PRKN: variants seen among roughly 807,000 people sequenced by gnomAD.
PRKN encodes the protein E3 ubiquitin-protein ligase parkin.
A neutral mutation model predicts 59.5 loss-of-function variants in PRKN; 56 were observed. The observed-to-expected ratio is 0.94, with a 90% CI of 0.76 to 1.18. The LOEUF is 1.18. Among genes scored for constraint, PRKN ranks in the 50% most tolerant of loss-of-function variants. The pLI, the probability that PRKN is intolerant of heterozygous loss-of-function variation, is 0.00. For synonymous variants in PRKN, 250 were observed against 222.1 expected (o/e 1.13, Z -1.12); for missense variants, 657 against 596.4 (o/e 1.10, Z -1.06).
rs570217053 is a variant in PRKN, at chr6:162,071,755, C to G, written c.535-17581G>C. On this transcript the variant is annotated intron_variant, in intron 4 of 11. Coordinates refer to ENST00000366898, the MANE Select transcript of PRKN (RefSeq NM_004562.3). Reference sequence around the variant, plus strand: ...GGATTACAGGCACATGGCACCACACCCACTAATTTTTGTATTTTTTCAGTA... The same window carrying G: ...GGATTACAGGCACATGGCACCACACGCACTAATTTTTGTATTTTTTCAGTA... Among the ~76,000 whole-genome samples the G allele has an allele frequency of 2.0e-5, 3 of 152,056 alleles. No homozygotes were observed. The East Asian group carries it at 5.8e-4, about 30-fold the overall frequency.
chr6:161,944,579 G>C (rs1034561077), intron 6 of PRKN, among the ~76,000 whole-genome samples: 7 of 152,058 alleles, frequency 4.6e-5, no homozygotes, highest in African/African-American at 1.7e-4. Context: ...CTTTCCCCTA[G>C]ATGATGAGTC....
intron 4 of PRKN, among the ~76,000 whole-genome samples, chr6:162,150,115 A>G (rs1029207680): frequency 6.6e-6 from 1 of 152,198 alleles, no homozygotes; most frequent in Non-Finnish European, 1.5e-5. Flanking sequence ...TATTCCCAAT[A>G]CCAAACACAT....
At chr6:162,337,093 T>C (rs1175775523) in intron 2 of PRKN, among the ~76,000 whole-genome samples, 2 of 152,212 alleles carry the variant, frequency 1.3e-5, no homozygotes, top group Non-Finnish European at 2.9e-5. Context: ...ACTACAAATA[T>C]TGAATTAGTA....
At chr6:162,325,139 T>TGCCAGCCAAATAACGGGTTA (rs75305414) in intron 2 of PRKN, among the ~76,000 whole-genome samples, 6 of 152,036 alleles carry the variant, frequency 3.9e-5, no homozygotes, top group African/African-American at 1.4e-4. Flanking sequence ...ACTTTATTAG[T>TGCCAGCCAAATAACGGGTTA]GCTAGAGCCC....
At chr6:161,978,414 C>G (rs987802776) in intron 5 of PRKN, among the ~76,000 whole-genome samples, 1 of 152,142 alleles carries the variant, frequency 6.6e-6, no homozygotes, top group Non-Finnish European at 1.5e-5. Context: ...TCTGACACTT[C>G]CAATCTGTAT....
intron 6 of PRKN, among the ~76,000 whole-genome samples, chr6:161,946,181 A>G (rs1231808085): frequency 1.3e-5 from 2 of 152,138 alleles, no homozygotes; most frequent in Non-Finnish European, 2.9e-5. Flanking sequence ...GTATTTCAAT[A>G]AAGGACAGTT....
chr6:162,690,266 T>C (rs190704078), intron 1 of PRKN, among the ~76,000 whole-genome samples: 2 of 152,282 alleles, frequency 1.3e-5, no homozygotes, highest in East Asian at 3.9e-4. Context: ...ATAAACAGAC[T>C]TGAAATTCTC....
intron 7 of PRKN, among the ~76,000 whole-genome samples, chr6:161,660,675 G>C (rs1784511295): frequency 1.3e-5 from 2 of 152,144 alleles, no homozygotes; most frequent in African/African-American, 2.4e-5. Flanking sequence ...CCCCTTTGCT[G>C]TCTGGTCCTC....
At position 162,596,378 on chromosome 6, in the gene PRKN, T is replaced by C. The variant is rs1183277212; in HGVS notation, c.7+131284A>G. 2.0e-5 allele frequency among the ~76,000 whole-genome samples: 3 copies of C among 152,354 alleles called. No individual in the cohort carries two copies. In the South Asian group the frequency reaches 6.2e-4, roughly 32 times the overall value. On this transcript the variant is annotated intron_variant, in intron 1 of 11. Coordinates refer to ENST00000366898, the MANE Select transcript of PRKN (RefSeq NM_004562.3). ...TTCTTTATTATTTTCTCGCTAATCA[T>C]GTCCATTGAGTGAAAGGAATAATTG...
At chr6:161,838,577 G>A (rs1792855567) in intron 6 of PRKN, among the ~76,000 whole-genome samples, 1 of 152,202 alleles carries the variant, frequency 6.6e-6, no homozygotes, top group African/African-American at 2.4e-5. Context: ...CTGGATGTTA[G>A]CCCAGGTCTC....
intron 5 of PRKN, among the ~76,000 whole-genome samples, chr6:161,976,344 G>A (rs1334846072): frequency 2.6e-5 from 4 of 152,152 alleles, no homozygotes; most frequent in East Asian, 1.9e-4. Flanking sequence ...AATATCAGCC[G>A]GTCCTCACAC....
At chr6:162,557,032 G>A (rs1037242911) in intron 1 of PRKN, among the ~76,000 whole-genome samples, 2 of 152,068 alleles carry the variant, frequency 1.3e-5, no homozygotes, top group African/African-American at 4.8e-5. Context: ...GTACAGAAAG[G>A]CACCACCTCT....
intron 1 of PRKN, among the ~76,000 whole-genome samples, chr6:162,647,068 TAA>T (rs747897785): frequency 4.0e-5 from 6 of 151,882 alleles, no homozygotes; most frequent in Non-Finnish European, 5.9e-5. Context: ...AGATACAAAA[TAA>T]AGAGTAAAAG....
chr6:161,893,937 G>T (rs1371729948), intron 6 of PRKN, among the ~76,000 whole-genome samples: 1 of 152,128 alleles, frequency 6.6e-6, no homozygotes, highest in Non-Finnish European at 1.5e-5. Context: ...CACACGATTT[G>T]TCACAAAGAA....
rs892029012 is a variant in PRKN at position 162,056,229 on chromosome 6, A to G, written c.535-2055T>C. ...TGCACATGTATCCCTCACACCCCACACGCCTAACACACCCCACACACATAC... is the reference window on the plus strand; with the variant it reads ...TGCACATGTATCCCTCACACCCCACGCGCCTAACACACCCCACACACATAC... On this transcript the variant is annotated intron_variant, in intron 4 of 11. Transcript: ENST00000366898. This position sits in a 1 kb window ranked among gnomAD's most constrained non-coding sequence, Gnocchi z 4.9. Among the ~76,000 whole-genome samples the G allele has an allele frequency of 6.7e-6, 1 of 149,692 alleles. No homozygotes were observed. Among genetic ancestry groups the G allele is most frequent in the Non-Finnish European group, 1.5e-5 (1 of 67,470 alleles).
chr6:161,616,633 C>T (rs1318244579), intron 7 of PRKN, among the ~76,000 whole-genome samples: 1 of 152,028 alleles, frequency 6.6e-6, no homozygotes, highest in East Asian at 1.9e-4. Context: ...CACTGTTCAA[C>T]TCCCACTTAC....
intron 2 of PRKN, among the ~76,000 whole-genome samples, chr6:162,322,210 AC>A (rs1237360251): frequency 6.6e-6 from 1 of 151,844 alleles, no homozygotes; most frequent in Non-Finnish European, 1.5e-5. Context: ...CAATAGATCA[AC>A]ATATAAAATA....
chr6:162,546,784 C>T (rs191282191), intron 1 of PRKN, among the ~76,000 whole-genome samples: 1 of 152,134 alleles, frequency 6.6e-6, no homozygotes, highest in Non-Finnish European at 1.5e-5. Flanking sequence ...TGTCTCCTTT[C>T]ACCTAACAGA....
At chr6:161,901,235 C>T (rs968566579) in intron 6 of PRKN, among the ~76,000 whole-genome samples, 1 of 151,820 alleles carries the variant, frequency 6.6e-6, no homozygotes, top group African/African-American at 2.4e-5. Flanking sequence ...CGCGTCCAGC[C>T]AATAATCAAT....
Sources: allele counts gnomAD v4.1 joint callset (sites outside exome capture counted in the v4.1 genomes callset), GRCh38; gene constraint gnomAD v4.1.1; non-coding constraint Gnocchi (gnomAD v3.1); transcripts MANE v1.5; gene names NCBI Gene and HGNC (gene_info 2026-07-23, HGNC 2026-07-21).